Variants in TCF7L1 observed in about 807,000 individuals in gnomAD.
The protein encoded by TCF7L1 is transcription factor 7 like 1, also known as transcription factor 7-like 1.
In TCF7L1, 18 loss-of-function variants were observed where a neutral mutation model predicts 63.7. The observed-to-expected ratio is 0.28, with a 90% confidence interval of 0.20 to 0.42. The LOEUF (loss-of-function observed/expected upper bound fraction) is 0.42. Ranked by LOEUF, TCF7L1 falls within the 10% of genes least tolerant of loss-of-function variation. The pLI is 1.00. For missense variants in TCF7L1, 654 were observed against 779.3 expected, an observed-to-expected ratio of 0.84 and a Z score of 1.91; for synonymous variants, 355 against 340.9, an observed-to-expected ratio of 1.04 and a Z score of -0.46.
chr2:85,184,514 G>A (rs1169540494), intron 3 of TCF7L1, among the ~76,000 whole-genome samples: 1 of 152,190 alleles, frequency 6.6e-6, no homozygotes, highest in Non-Finnish European at 1.5e-5. Context: ...TATAGTCCTT[G>A]GTGGTTCTGG....
intron 3 of TCF7L1, among the ~76,000 whole-genome samples, chr2:85,279,765 G>A (rs138587179): frequency 3.9e-5 from 6 of 152,162 alleles, no homozygotes; most frequent in Non-Finnish European, 8.8e-5. Context: ...CCTACACACC[G>A]CCCCTGCACC....
chr2:85,304,433 G>T, intron 7 of TCF7L1, 95 bp downstream of exon 7: 1 of 1,287,218 alleles, frequency 7.8e-7, no homozygotes, highest in Non-Finnish European at 1.1e-6. Flanking sequence ...TAATGAGCAG[G>T]CACAGGGCTC....
At chr2:85,260,987 C>T (rs1680844991) in intron 3 of TCF7L1, among the ~76,000 whole-genome samples, 2 of 152,256 alleles carry the variant, frequency 1.3e-5, no homozygotes, top group East Asian at 1.9e-4. Flanking sequence ...GCCTTGCACA[C>T]GTCCTGTGAG....
chr2:85,173,476 A>G (rs556771719), intron 3 of TCF7L1, among the ~76,000 whole-genome samples: 1 of 152,234 alleles, frequency 6.6e-6, no homozygotes, highest in Non-Finnish European at 1.5e-5. Context: ...GATTTTGATT[A>G]CAGCACAGGG....
Position 85,134,149 on chromosome 2 carries a change from C to A in TCF7L1, c.313+70C>A. ...GCTCCGCTGCTCAGCCCGGGCGGCC[C>A]ACCGTCCCCCTTGCTTGGGTGGACG... On this transcript the variant is annotated intron_variant, in intron 2 of 11. Coordinates refer to ENST00000282111, the MANE Select transcript of TCF7L1 (RefSeq NM_031283.3). This position sits in a 1 kb window ranked among gnomAD's most constrained non-coding sequence, Gnocchi z 5.0. 1 of 1,572,308 alleles carries A rather than the reference C, an allele frequency of 6.4e-7. No individual in the cohort carries two copies. Among genetic ancestry groups the A allele is most frequent in the Non-Finnish European group, 8.6e-7 (1 of 1,157,032 alleles).
intron 3 of TCF7L1, among the ~76,000 whole-genome samples, chr2:85,251,359 A>C (rs1680583300): frequency 6.6e-6 from 1 of 152,244 alleles, no homozygotes; most frequent in East Asian, 1.9e-4. Context: ...ATGCACACAA[A>C]GAGAAGCTTG....
intron 3 of TCF7L1, among the ~76,000 whole-genome samples, chr2:85,181,083 G>A (rs1360487723): frequency 1.3e-5 from 2 of 152,250 alleles, no homozygotes; most frequent in African/African-American, 4.8e-5. Context: ...GTAGACCTAA[G>A]AGGCCAGCTG....
At chr2:85,227,283 A>G (rs1679980123) in intron 3 of TCF7L1, among the ~76,000 whole-genome samples, 1 of 152,030 alleles carries the variant, frequency 6.6e-6, no homozygotes, top group Non-Finnish European at 1.5e-5. Flanking sequence ...CTCTGAACTC[A>G]ACTAAAGGAG....
Position 85,134,324 on chromosome 2 carries a change from GAGA to G in TCF7L1, c.318_320del (p.Arg107del). ...ACCTCGCCTTGGTCTTGTTCGCAGT[GAGA>G]AGGCCTCAGGACAGCGCGTTCTTTA... On this transcript the variant is annotated inframe_deletion and splice_region_variant, in exon 3 of 12. Transcript: ENST00000282111. This position sits in a 1 kb window ranked among gnomAD's most constrained non-coding sequence, Gnocchi z 5.0. 2 of 1,583,076 alleles carry G rather than the reference GAGA, an allele frequency of 1.3e-6. No individual in the cohort carries two copies. The highest frequency in any genetic ancestry group is 1.7e-6 in the Non-Finnish European group (2 of 1,163,936).
rs114747473 is a variant in TCF7L1 at position 85,274,636 on chromosome 2, G to A, written c.442-8859G>A. Among the ~76,000 whole-genome samples, 919 of 152,308 alleles carry A rather than the reference G, an allele frequency of 6.0e-3. 9 individuals carry two copies. The highest frequency in any genetic ancestry group is 0.02 in the African/African-American group (819 of 41,564). On this transcript the variant is annotated intron_variant, in intron 3 of 11. Coordinates refer to ENST00000282111, the MANE Select transcript of TCF7L1 (RefSeq NM_031283.3). ...AGCCAATTGGTAGCATCTCTTCCGC[G>A]CTGAGCCTTCAGTGACTCATCGTGG...
intron 4 of TCF7L1, among the ~76,000 whole-genome samples, chr2:85,298,857 C>G (rs180868119): frequency 6.6e-6 from 1 of 152,122 alleles, no homozygotes; most frequent in East Asian, 1.9e-4. Context: ...TGAGCAGGAA[C>G]TTTTATTGGG....
intron 3 of TCF7L1, among the ~76,000 whole-genome samples, chr2:85,144,417 CAAAAA>C (rs55964315): frequency 1.1e-5 from 1 of 95,048 alleles, no homozygotes. Context: ...CCTGTCTCTA[CAAAAA>C]AAAAAAAAAA....
chr2:85,283,390 C>T, intron 3 of TCF7L1, 105 bp from the exon 4 acceptor site: 1 of 1,197,556 alleles, frequency 8.4e-7, no homozygotes, highest in South Asian at 1.2e-5. Flanking sequence ...ATGCAGGCCA[C>T]CCCAATGGCC....
intron 4 of TCF7L1, among the ~76,000 whole-genome samples, chr2:85,297,198 C>G (rs945214985): frequency 3.3e-5 from 5 of 152,192 alleles, no homozygotes; most frequent in South Asian, 4.1e-4. Context: ...AAATCCTGTC[C>G]TACTTGCAAA....
intron 3 of TCF7L1, among the ~76,000 whole-genome samples, chr2:85,168,811 G>A (rs1678481110): frequency 6.6e-6 from 1 of 152,130 alleles, no homozygotes; most frequent in South Asian, 2.1e-4. Flanking sequence ...AGTAGAGATG[G>A]AGTTTCACCA....
At chr2:85,169,355 T>C (rs1409443348) in intron 3 of TCF7L1, among the ~76,000 whole-genome samples, 2 of 151,412 alleles carry the variant, frequency 1.3e-5, no homozygotes, top group African/African-American at 4.9e-5. Flanking sequence ...CCACAGTTTC[T>C]TTCTTTCTTT....
intron 3 of TCF7L1, among the ~76,000 whole-genome samples, chr2:85,237,321 A>G (rs573919963): frequency 6.6e-6 from 1 of 152,118 alleles, no homozygotes; most frequent in South Asian, 2.1e-4. Context: ...CACAGTTATA[A>G]CAAGGATCCT....
At chr2:85,256,405 A>G (rs976580389) in intron 3 of TCF7L1, among the ~76,000 whole-genome samples, 1 of 152,038 alleles carries the variant, frequency 6.6e-6, no homozygotes, top group Non-Finnish European at 1.5e-5. Context: ...TGGGTGGGGG[A>G]AGGGAATGGG....
At chr2:85,138,742 A>G (rs1574074638) in intron 3 of TCF7L1, among the ~76,000 whole-genome samples, 1 of 152,322 alleles carries the variant, frequency 6.6e-6, no homozygotes, top group South Asian at 2.1e-4. Flanking sequence ...CACATTCTTC[A>G]TTGATCACAC....
Sources: allele counts gnomAD v4.1 joint callset (sites outside exome capture counted in the v4.1 genomes callset), GRCh38; gene constraint gnomAD v4.1.1; non-coding constraint Gnocchi (gnomAD v3.1); transcripts MANE v1.5; gene names NCBI Gene and HGNC (gene_info 2026-07-23, HGNC 2026-07-21).